Variants in PPP2R2C observed in about 807,000 individuals in gnomAD.
The protein encoded by PPP2R2C is protein phosphatase 2, regulatory subunit B, gamma.
A neutral mutation model predicts 45.3 loss-of-function variants in PPP2R2C; 10 were observed. The observed-to-expected ratio is 0.22, with a 90% confidence interval of 0.14 to 0.37. The LOEUF is 0.37. Among genes scored for constraint, PPP2R2C ranks in the 10% least tolerant of loss-of-function variants. The pLI, the probability that PPP2R2C is intolerant of heterozygous loss-of-function variation, is 1.00. For missense variants in PPP2R2C, 308 were observed against 619.7 expected (o/e 0.50, Z 5.34); for synonymous variants, 257 against 245.4 (o/e 1.05, Z -0.44).
chr4:6,359,533 G>T (rs922403942), intron 5 of PPP2R2C, among the ~76,000 whole-genome samples: 2 of 151,342 alleles, frequency 1.3e-5, no homozygotes, highest in Non-Finnish European at 2.9e-5. Context: ...ATGTTGAAAT[G>T]ATAATATTTC....
chr4:6,560,238 C>T (rs568764224), intron 1 of PPP2R2C, among the ~76,000 whole-genome samples: 1 of 152,352 alleles, frequency 6.6e-6, no homozygotes, highest in African/African-American at 2.4e-5. Context: ...CCCCCCAGGC[C>T]CAGCCCACCC....
chr4:6,371,849 G>A (rs577652405), intron 5 of PPP2R2C, among the ~76,000 whole-genome samples: 2 of 152,324 alleles, frequency 1.3e-5, no homozygotes, highest in South Asian at 4.1e-4. Context: ...ATCATTGGTT[G>A]TATGCAGAAT....
chr4:6,377,447 G>A (rs1440344028), intron 3 of PPP2R2C, among the ~76,000 whole-genome samples: 1 of 152,080 alleles, frequency 6.6e-6, no homozygotes. Context: ...CCCGAGGTCA[G>A]GAGTTCGAGA....
In PPP2R2C at chr4:6,524,665, C is replaced by T. The variant is rs573506617; in HGVS notation, c.49+10606G>A. Reference sequence around the variant, plus strand: ...GCTCAGCTGCTGTGGTTGGGCCGAGCTTCACCTATTTGTTACAAGAGCCCC... The same window carrying T: ...GCTCAGCTGCTGTGGTTGGGCCGAGTTTCACCTATTTGTTACAAGAGCCCC... On this transcript the variant is annotated intron_variant, in intron 2 of 9. Transcript: ENST00000506140. Among the ~76,000 whole-genome samples the T allele has an allele frequency of 5.3e-5, 8 of 152,304 alleles. No homozygotes were observed. In the East Asian group the frequency reaches 1.4e-3, roughly 26 times the overall value.
At position 6,364,665 on chromosome 4, in the gene PPP2R2C, C is replaced by A. The variant is rs1714120059; in HGVS notation, c.625+7858G>T. On this transcript the variant is annotated intron_variant, in intron 5 of 8. Transcript: ENST00000382599. The surrounding 1 kb of genome is among the most constrained non-coding windows in gnomAD (Gnocchi z 5.3). ...TGGTGTCAGCAGGGGCTTTTCCTCG[C>A]TTTACAGGTGAGGAGCTGAGGCACA... Among the ~76,000 whole-genome samples the A allele has an allele frequency of 6.6e-6, 1 of 152,146 alleles. No individual in the cohort carries two copies. Among genetic ancestry groups the A allele is most frequent in the South Asian group, 2.1e-4 (1 of 4,822 alleles).
chr4:6,509,704 C>A (rs913536267), intron 2 of PPP2R2C, among the ~76,000 whole-genome samples: 1 of 152,222 alleles, frequency 6.6e-6, no homozygotes, highest in Non-Finnish European at 1.5e-5. Flanking sequence ...ACTCACTTAT[C>A]CGTTCAACAA....
At position 6,384,420 on chromosome 4, in the gene PPP2R2C, AAAT is replaced by A. The variant is rs1049173222; in HGVS notation, c.71-3329_71-3327del. On this transcript the variant is annotated intron_variant, in intron 1 of 8. Transcript: ENST00000382599. The stretch of plus-strand genomic sequence containing the variant: ...AGGTAGCTTTAGGGTAGCTGGAACA[AAAT>A]AATATTTCCTCCTCTTTCAACTTGT... The A allele has an allele frequency of 1.2e-4, 115 of 984,982 alleles. No homozygotes were observed. The African/African-American group carries it at 1.9e-3, about 16-fold the overall frequency. The allele number at this position is 984,982 out of a possible 1,614,324, so 61.0% of individuals were successfully genotyped here.
At chr4:6,510,580 A>G (rs944526384) in intron 2 of PPP2R2C, among the ~76,000 whole-genome samples, 1 of 152,170 alleles carries the variant, frequency 6.6e-6, no homozygotes, top group African/African-American at 2.4e-5. Context: ...AGGCACACAC[A>G]TGCACATACA....
At chr4:6,385,099 A>G (rs1716123034) in intron 1 of PPP2R2C, among the ~76,000 whole-genome samples, 1 of 152,164 alleles carries the variant, frequency 6.6e-6, no homozygotes, top group Non-Finnish European at 1.5e-5. Context: ...GCTCCCGGTC[A>G]CCTGTGCTCC....
intron 1 of PPP2R2C, among the ~76,000 whole-genome samples, chr4:6,537,529 T>C (rs1050198225): frequency 6.6e-6 from 1 of 151,670 alleles, no homozygotes; most frequent in East Asian, 1.9e-4. Context: ...TGCTACAATG[T>C]AGACGAACTT....
At chr4:6,472,099 G>C (rs1721929883) in intron 1 of PPP2R2C, 61 bp downstream of exon 1, 4 of 1,605,748 alleles carry the variant, frequency 2.5e-6, no homozygotes, top group Non-Finnish European at 2.6e-6. Context: ...GAGGGCATTC[G>C]GTGCGACGGC....
chr4:6,421,903 C>T (rs567824633), intron 1 of PPP2R2C, among the ~76,000 whole-genome samples: 4 of 152,286 alleles, frequency 2.6e-5, no homozygotes, highest in East Asian at 1.9e-4. Flanking sequence ...CTCTGCCTCC[C>T]GATAACCAAA....
intron 1 of PPP2R2C, among the ~76,000 whole-genome samples, chr4:6,554,948 A>AAGGAAGGG (rs1491171368): frequency 4.2e-5 from 6 of 142,644 alleles, no homozygotes; most frequent in Non-Finnish European, 9.0e-5. Context: ...AGAAAGAAAG[A>AAGGAAGGG]AAGAAAGAAA....
At chr4:6,382,660 C>G (rs1194582357) in intron 1 of PPP2R2C, 29 of 264,392 alleles carry the variant, frequency 1.1e-4, no homozygotes, top group South Asian at 7.6e-4. Flanking sequence ...CTCTCTCTCT[C>G]TCTCTCTCTC....
intron 2 of PPP2R2C, 137 bp downstream of exon 2, chr4:6,380,860 T>A: frequency 7.5e-7 from 1 of 1,326,538 alleles, no homozygotes; most frequent in Non-Finnish European, 9.9e-7. Flanking sequence ...CTCTTGTGGG[T>A]TGGAGTATAG....
At chr4:6,435,014 T>G (rs999022577) in intron 1 of PPP2R2C, among the ~76,000 whole-genome samples, 11 of 152,212 alleles carry the variant, frequency 7.2e-5, no homozygotes, top group Non-Finnish European at 1.5e-5. Flanking sequence ...TCTCAGCCAC[T>G]CACTGTATTT....
At chr4:6,351,298 G>A (rs1299856129) in intron 5 of PPP2R2C, 1 of 850,056 alleles carries the variant, frequency 1.2e-6, no homozygotes, top group African/African-American at 1.8e-5. Flanking sequence ...GGGTGACAGA[G>A]CAAGACTCCA....
chr4:6,380,739 C>T (rs1000434435), intron 2 of PPP2R2C, among the ~76,000 whole-genome samples: 4 of 152,092 alleles, frequency 2.6e-5, no homozygotes, highest in African/African-American at 7.2e-5. Context: ...TACCACCGCC[C>T]GCCACTCCCA....
intron 1 of PPP2R2C, among the ~76,000 whole-genome samples, chr4:6,542,786 C>T (rs1033081159): frequency 5.3e-5 from 8 of 151,476 alleles, no homozygotes; most frequent in Non-Finnish European, 8.8e-5. Flanking sequence ...TAGAAAAATA[C>T]AGCTCACTAA....
Sources: allele counts gnomAD v4.1 joint callset (sites outside exome capture counted in the v4.1 genomes callset), GRCh38; gene constraint gnomAD v4.1.1; non-coding constraint Gnocchi (gnomAD v3.1); transcripts MANE v1.5; gene names NCBI Gene and HGNC (gene_info 2026-07-23, HGNC 2026-07-21).